Variants in ATP2B2 observed in about 807,000 individuals in gnomAD.
The protein encoded by ATP2B2 is plasma membrane calcium-transporting ATPase 2.
In ATP2B2, 15 loss-of-function variants were observed where a neutral mutation model predicts 120.0. The ratio of observed to expected loss-of-function variants is 0.12; its 90% confidence interval spans 0.08 to 0.19. ATP2B2 has a LOEUF of 0.19. ATP2B2 is among the 10% of genes least tolerant of loss of function. The probability of loss-of-function intolerance (pLI) is 1.00; values close to 1 mark genes in which losing one functional copy is unlikely to be tolerated. For missense variants in ATP2B2, 1,045 were observed against 1,719.8 expected, an observed-to-expected ratio of 0.61 and a Z score of 6.94; for synonymous variants, 694 against 700.3, an observed-to-expected ratio of 0.99 and a Z score of 0.14.
intron 3 of ATP2B2, among the ~76,000 whole-genome samples, chr3:10,523,464 C>G (rs1192886320): frequency 1.3e-5 from 2 of 152,206 alleles, no homozygotes; most frequent in Non-Finnish European, 2.9e-5. Context: ...CACCCTAGCC[C>G]TCATTGCTCA....
At chr3:10,661,478 A>G (rs1046255634) in intron 1 of ATP2B2, among the ~76,000 whole-genome samples, 8 of 152,226 alleles carry the variant, frequency 5.3e-5, no homozygotes, top group Non-Finnish European at 8.8e-5. Flanking sequence ...GAGCCAAATC[A>G]TGAGTGAACT....
chr3:10,496,577 C>A (rs1369237890), intron 1 of ATP2B2, among the ~76,000 whole-genome samples: 1 of 152,136 alleles, frequency 6.6e-6, no homozygotes, highest in African/African-American at 2.4e-5. Flanking sequence ...TTCCTTTCAG[C>A]CCCTTTCTCC....
chr3:10,355,791 C>CTTTGTGTGTGTGTGTGTGTGTGTGT, intron 14 of ATP2B2, among the ~76,000 whole-genome samples: 1 of 92,538 alleles, frequency 1.1e-5, no homozygotes, highest in Admixed American at 1.3e-4. Context: ...TTGTCCTTTC[C>CTTTGTGTGTGTGTGTGTGTGTGTGT]GGCCGGGCGC....
At chr3:10,442,492 T>C (rs572156122) in intron 2 of ATP2B2, among the ~76,000 whole-genome samples, 4 of 152,310 alleles carry the variant, frequency 2.6e-5, no homozygotes, top group African/African-American at 9.6e-5. Context: ...GATTAACATG[T>C]AGGTTTATTT....
intron 1 of ATP2B2, among the ~76,000 whole-genome samples, chr3:10,459,599 C>T (rs1319782740): frequency 6.6e-6 from 1 of 152,280 alleles, no homozygotes; most frequent in Admixed American, 6.5e-5. Flanking sequence ...ACTGGCCTAA[C>T]TGGCCAACAT....
intron 1 of ATP2B2, among the ~76,000 whole-genome samples, chr3:10,499,829 TC>T (rs1489298284): frequency 6.6e-6 from 1 of 150,556 alleles, no homozygotes; most frequent in African/African-American, 2.5e-5. Flanking sequence ...TCTCTGGGCA[TC>T]CCCCAGCCAG....
At chr3:10,496,094 G>A (rs2066135557) in intron 1 of ATP2B2, among the ~76,000 whole-genome samples, 1 of 152,210 alleles carries the variant, frequency 6.6e-6, no homozygotes, top group South Asian at 2.1e-4. Context: ...GCTGGGGGTG[G>A]GATGGGGAGA....
intron 1 of ATP2B2, among the ~76,000 whole-genome samples, chr3:10,498,269 G>A (rs2066235856): frequency 1.3e-5 from 2 of 152,220 alleles, no homozygotes; most frequent in Non-Finnish European, 2.9e-5. Context: ...CATTGGATGT[G>A]ACCCCAAGCA....
At chr3:10,701,792 T>C (rs2071823313) in intron 1 of ATP2B2, among the ~76,000 whole-genome samples, 1 of 151,966 alleles carries the variant, frequency 6.6e-6, no homozygotes, top group African/African-American at 2.4e-5. Flanking sequence ...GGAAGAAAGG[T>C]GGTCACAGGT....
chr3:10,445,265 A>T (rs9846355), intron 2 of ATP2B2, among the ~76,000 whole-genome samples: 2,594 of 152,344 alleles, frequency 0.017, 88 homozygotes, highest in African/African-American at 0.059. Flanking sequence ...CACTTCACAG[A>T]TAAGTTCATT....
chr3:10,584,950 C>T (rs1291752116), intron 2 of ATP2B2, among the ~76,000 whole-genome samples: 1 of 152,202 alleles, frequency 6.6e-6, no homozygotes, highest in Non-Finnish European at 1.5e-5. Context: ...TTTCTGCATG[C>T]CTTGCACCCA....
chr3:10,589,339 T>C (rs1422557867), intron 2 of ATP2B2, among the ~76,000 whole-genome samples: 1 of 152,172 alleles, frequency 6.6e-6, no homozygotes, highest in Non-Finnish European at 1.5e-5. Flanking sequence ...TGTTGAGTGT[T>C]TCCCAGGCCT....
intron 14 of ATP2B2, among the ~76,000 whole-genome samples, chr3:10,353,956 C>T (rs970785134): frequency 6.6e-6 from 1 of 152,156 alleles, no homozygotes; most frequent in South Asian, 2.1e-4. Flanking sequence ...AGGATGGGCA[C>T]GTGCACACCT....
At chr3:10,341,499 T>C (rs568538716) in intron 19 of ATP2B2, among the ~76,000 whole-genome samples, 2 of 152,212 alleles carry the variant, frequency 1.3e-5, no homozygotes, top group East Asian at 1.9e-4. Context: ...TTAGTAGAGA[T>C]GGGGTTTCTC....
intron 3 of ATP2B2, among the ~76,000 whole-genome samples, chr3:10,531,344 C>T (rs1433244151): frequency 6.6e-6 from 1 of 152,212 alleles, no homozygotes; most frequent in African/African-American, 2.4e-5. Flanking sequence ...GCAGATGCTA[C>T]TTCTTCCACC....
intron 5 of ATP2B2, among the ~76,000 whole-genome samples, chr3:10,395,692 A>G (rs2062013316): frequency 6.6e-6 from 1 of 152,240 alleles, no homozygotes; most frequent in South Asian, 2.1e-4. Context: ...GGTCCCACCC[A>G]TATGTGGCTT....
upstream of ATP2B2, among the ~76,000 whole-genome samples, chr3:10,508,542 A>G (rs993967121): frequency 6.6e-6 from 1 of 152,150 alleles, no homozygotes; most frequent in Admixed American, 6.5e-5. Context: ...CAATTCTCCC[A>G]TTTTACAGTT....
intron 3 of ATP2B2, among the ~76,000 whole-genome samples, chr3:10,520,205 T>C (rs2066955793): frequency 6.6e-6 from 1 of 152,240 alleles, no homozygotes; most frequent in Non-Finnish European, 1.5e-5. Flanking sequence ...CCAACCCTGA[T>C]TTAATTAGCT....
intron 1 of ATP2B2, among the ~76,000 whole-genome samples, chr3:10,695,542 T>A (rs1380314493): frequency 6.6e-6 from 1 of 152,132 alleles, no homozygotes; most frequent in Non-Finnish European, 1.5e-5. Flanking sequence ...TCTACCACTG[T>A]TACGTGAACA....
Sources: gnomAD v4.1 joint callset for allele counts (sites outside exome capture counted in the v4.1 genomes callset) on GRCh38, gnomAD v4.1.1 for gene constraint, MANE v1.5 for transcripts, NCBI Gene and HGNC (gene_info 2026-07-23, HGNC 2026-07-21) for gene names.